LRP1B: variants seen among roughly 807,000 people sequenced by gnomAD.
The protein encoded by LRP1B is LDL receptor related protein 1B.
A neutral mutation model predicts 556.6 loss-of-function variants in LRP1B; 217 were observed. The observed-to-expected ratio is 0.39, with a 90% CI of 0.35 to 0.44. LRP1B has a LOEUF of 0.44. Ranked by LOEUF, LRP1B falls within the 20% of genes least tolerant of loss-of-function variation. The pLI is 1.00. For missense variants in LRP1B, 5,053 were observed against 5,620.8 expected (o/e 0.90, Z 3.23); for synonymous variants, 2,047 against 1,865.8 (o/e 1.10, Z -2.50).
At chr2:141,546,447 C>G (rs1168163776) in intron 2 of LRP1B, among the ~76,000 whole-genome samples, 1 of 152,146 alleles carries the variant, frequency 6.6e-6, no homozygotes, top group African/African-American at 2.4e-5. Context: ...CTTACCTGCT[C>G]TAGCTACATC....
At chr2:140,518,946 G>A (rs1690035786) in intron 49 of LRP1B, among the ~76,000 whole-genome samples, 1 of 151,484 alleles carries the variant, frequency 6.6e-6, no homozygotes, top group South Asian at 2.1e-4. Context: ...GATTGCCCTG[G>A]CCAGAAATAA....
chr2:140,658,895 T>C (rs1373202160), intron 41 of LRP1B, among the ~76,000 whole-genome samples: 37 of 151,824 alleles, frequency 2.4e-4, no homozygotes, highest in Admixed American at 2.4e-3. Context: ...AGCTGAAAAT[T>C]TGTCAGATAA....
chr2:141,704,227 G>A (rs1279003189), intron 2 of LRP1B, among the ~76,000 whole-genome samples: 1 of 151,864 alleles, frequency 6.6e-6, no homozygotes, highest in Admixed American at 6.6e-5. Flanking sequence ...ACGATGCACG[G>A]GGATTTTATT....
At chr2:140,238,729 G>A (rs927922117) in intron 88 of LRP1B, among the ~76,000 whole-genome samples, 4 of 150,872 alleles carry the variant, frequency 2.7e-5, no homozygotes, top group South Asian at 2.1e-4. Context: ...AGTTTGTTAC[G>A]TGGTTATATT....
chr2:141,044,441 G>A (rs1241853593), intron 11 of LRP1B, among the ~76,000 whole-genome samples: 4 of 151,304 alleles, frequency 2.6e-5, no homozygotes, highest in African/African-American at 9.7e-5. Context: ...AAACTAAAGA[G>A]CTTCTGCACA....
chr2:140,743,156 T>A (rs960416476), intron 35 of LRP1B, among the ~76,000 whole-genome samples: 2 of 152,192 alleles, frequency 1.3e-5, no homozygotes, highest in African/African-American at 4.8e-5. Flanking sequence ...TCCTAATAGT[T>A]GATTTTGGAG....
Position 141,835,056 on chromosome 2 carries a change from C to T in LRP1B, c.83-24655G>A, listed in dbSNP as rs974792663. ...GAGTGAATAAATAGAAACAATGTTA[C>T]CACATTATTTCTTTAATCAGTTCAT... is the stretch of plus-strand genomic sequence containing the variant. On this transcript the variant is annotated intron_variant, in intron 1 of 90. Transcript: ENST00000389484. 1.1e-4 allele frequency among the ~76,000 whole-genome samples: 16 copies of T among 151,854 alleles called. 1 individual carries two copies. The highest frequency in any genetic ancestry group is 6.6e-4 in the Admixed American group (10 of 15,210).
intron 1 of LRP1B, among the ~76,000 whole-genome samples, chr2:141,864,230 A>G (rs908120941): frequency 3.3e-5 from 5 of 152,222 alleles, no homozygotes; most frequent in African/African-American, 1.2e-4. Flanking sequence ...GAATCAAATT[A>G]CATTTTAATT....
chr2:141,207,921 C>T (rs1682355465), intron 6 of LRP1B, among the ~76,000 whole-genome samples: 2 of 152,200 alleles, frequency 1.3e-5, no homozygotes, highest in African/African-American at 2.4e-5. Context: ...GATGATCCAC[C>T]CACCTCAGTC....
chr2:141,229,518 G>A (rs79330716), intron 5 of LRP1B, 78 bp from the exon 6 acceptor site: 100,473 of 1,086,470 alleles, frequency 0.092, 5,033 homozygotes, highest in East Asian at 0.12. Context: ...GTTATTGAAA[G>A]CTATTTTCTA....
chr2:140,362,963 TTGAATGAATGAA>T (rs939033582), intron 72 of LRP1B, among the ~76,000 whole-genome samples: 1 of 151,586 alleles, frequency 6.6e-6, no homozygotes, highest in African/African-American at 2.4e-5. Context: ...CAAATGTCTA[TTGAATGAATGAA>T]TGAATGAATG....
intron 43 of LRP1B, among the ~76,000 whole-genome samples, chr2:140,591,869 A>C (rs1682242077): frequency 6.6e-6 from 1 of 152,166 alleles, no homozygotes; most frequent in Non-Finnish European, 1.5e-5. Flanking sequence ...TTGAGAGATG[A>C]CTTTATCTCA....
At chr2:140,867,460 T>C (rs1394105194) in intron 27 of LRP1B, 130 bp downstream of exon 27, 15 of 942,212 alleles carry the variant, frequency 1.6e-5, no homozygotes, top group Non-Finnish European at 2.2e-5. Flanking sequence ...TTGAAACCAC[T>C]TCCCTCATAG....
intron 35 of LRP1B, among the ~76,000 whole-genome samples, 171 bp downstream of exon 35, chr2:140,769,042 A>G (rs1312347593): frequency 7.4e-5 from 11 of 148,132 alleles, no homozygotes; most frequent in Admixed American, 1.4e-4. Flanking sequence ...TTTTTTTTTC[A>G]GACACTACAC....
chr2:141,342,027 G>A (rs1272969866), intron 3 of LRP1B, among the ~76,000 whole-genome samples: 4 of 151,710 alleles, frequency 2.6e-5, no homozygotes, highest in Non-Finnish European at 4.4e-5. Context: ...GGCGGATCAC[G>A]AGGTCAGGAG....
chr2:141,348,698 A>G (rs981052339), intron 3 of LRP1B, among the ~76,000 whole-genome samples: 2 of 152,046 alleles, frequency 1.3e-5, no homozygotes, highest in Admixed American at 1.3e-4. Flanking sequence ...GGCCAGACTT[A>G]GTGGTAATCC....
rs375982622 is a variant in LRP1B, at chr2:141,492,275, A to C, written c.206-11742T>G. 4.0e-4 allele frequency among the ~76,000 whole-genome samples: 61 copies of C among 152,142 alleles called. No homozygotes were observed. In the East Asian group the frequency reaches 8.1e-3, roughly 20 times the overall value. On this transcript the variant is annotated intron_variant, in intron 2 of 90. Coordinates refer to ENST00000389484, the MANE Select transcript of LRP1B (RefSeq NM_018557.3). ...CTATAATTTAAAAAAGAGTAAATCA[A>C]CTCCACAAAAACTGGAAAACAAGCA...
intron 7 of LRP1B, among the ~76,000 whole-genome samples, chr2:141,084,515 A>C (rs921693074): frequency 2.0e-5 from 3 of 152,350 alleles, no homozygotes; most frequent in African/African-American, 7.2e-5. Context: ...ATGTTATAGT[A>C]CAATTTATAC....
chr2:140,919,963 A>G (rs1171597147), intron 21 of LRP1B, among the ~76,000 whole-genome samples: 1 of 152,106 alleles, frequency 6.6e-6, no homozygotes, highest in Non-Finnish European at 1.5e-5. Flanking sequence ...AAAATGACTC[A>G]TTGAATATAT....
Sources: gnomAD v4.1 joint callset for allele counts (sites outside exome capture counted in the v4.1 genomes callset) on GRCh38, gnomAD v4.1.1 for gene constraint, MANE v1.5 for transcripts, NCBI Gene and HGNC (gene_info 2026-07-23, HGNC 2026-07-21) for gene names.